Variants in LRP5 observed in about 807,000 individuals in gnomAD.
LRP5 encodes low-density lipoprotein receptor-related protein 5.
LRP5 carries 62 observed loss-of-function variants against 154.1 expected under a neutral mutation model. The ratio of observed to expected loss-of-function variants is 0.40; its 90% CI spans 0.33 to 0.50. LRP5 has a LOEUF of 0.50. Among genes scored for constraint, LRP5 ranks in the 20% least tolerant of loss-of-function variants. LRP5 has a pLI of 0.55. For synonymous variants in LRP5, 966 were observed against 1,011.5 expected (o/e 0.96, Z 0.85); for missense variants, 1,915 against 2,336.7 (o/e 0.82, Z 3.72).
At position 68,406,609 on chromosome 11, in the gene LRP5, C is replaced by T. The variant is rs140958524; in HGVS notation, c.1887C>T (p.Ile629=). The change falls in exon 9 of 23, where the codon ATC becomes ATT. Residue 629 remains isoleucine, a synonymous_variant. Transcript: ENST00000294304. ...TPHATRCGCP[I]GLELLSDMKT... is the part of the protein sequence containing the mutation. Reference sequence around the variant, plus strand: ...ACGCAACCCGGTGTGGCTGCCCCATCGGCCTGGAGCTGCTGAGTGACATGA... The same window carrying T: ...ACGCAACCCGGTGTGGCTGCCCCATTGGCCTGGAGCTGCTGAGTGACATGA... 76 of 1,614,036 alleles carry T rather than the reference C, an allele frequency of 4.7e-5. 1 individual carries two copies. The African/African-American group carries it at 7.1e-4, about 15-fold the overall frequency.
chr11:68,308,058 G>C (rs771712949), upstream of LRP5, among the ~76,000 whole-genome samples: 1 of 152,206 alleles, frequency 6.6e-6, no homozygotes, highest in Non-Finnish European at 1.5e-5. Flanking sequence ...GGCCGATGGC[G>C]GCCTTCCCTG....
intron 19 of LRP5, among the ~76,000 whole-genome samples, chr11:68,437,270 G>A (rs146185147): frequency 5.9e-5 from 9 of 152,260 alleles, no homozygotes; most frequent in East Asian, 1.9e-4. Flanking sequence ...ACCCACCCAC[G>A]GGACCTTGCT....
chr11:68,363,765 C>A lies in LRP5; in HGVS notation c.705C>A (p.Gly235=), dbSNP rs553569731. Residue 235 remains glycine (G), a synonymous_variant, in exon 4 of 23, where the codon GGC becomes GGA. Transcript: ENST00000294304. ...ACTGCAGGCAGAAGGTGGTGGAGGG[C>A]AGCCTGACGCACCCCTTCGCCCTGA... is the stretch of plus-strand genomic sequence containing the variant. ...DGSFRQKVVE[G]SLTHPFALTL... The A allele has an allele frequency of 4.3e-5, 70 of 1,612,618 alleles. 1 individual carries two copies. In the South Asian group the frequency reaches 7.5e-4, roughly 17 times the overall value.
intron 12 of LRP5, among the ~76,000 whole-genome samples, chr11:68,415,037 C>T (rs2098661745): frequency 6.6e-6 from 1 of 152,228 alleles, no homozygotes; most frequent in Non-Finnish European, 1.5e-5. Context: ...GGTGCAACGA[C>T]TTGGATTTCA....
intron 7 of LRP5, among the ~76,000 whole-genome samples, chr11:68,394,990 G>A (rs1302286625): frequency 6.6e-6 from 1 of 151,724 alleles, no homozygotes; most frequent in African/African-American, 2.4e-5. Flanking sequence ...AGGAAAGCAA[G>A]ATTGGAACAC....
intron 7 of LRP5, among the ~76,000 whole-genome samples, chr11:68,394,039 A>G (rs2098647837): frequency 6.6e-6 from 1 of 152,174 alleles, no homozygotes. Context: ...CTGACCCCAC[A>G]GCCGACCAAG....
At chr11:68,341,356 A>G (rs1340902708) in intron 1 of LRP5, among the ~76,000 whole-genome samples, 1 of 151,920 alleles carries the variant, frequency 6.6e-6, no homozygotes, top group Non-Finnish European at 1.5e-5. Flanking sequence ...TCCCCCACCC[A>G]CACCCAGAAC....
At chr11:68,442,353 C>G (rs2098678646) in intron 21 of LRP5, among the ~76,000 whole-genome samples, 1 of 152,212 alleles carries the variant, frequency 6.6e-6, no homozygotes, top group Non-Finnish European at 1.5e-5. Flanking sequence ...CAGCTCACTG[C>G]AGCCTCAAAC....
chr11:68,440,016 G>C, intron 21 of LRP5, 100 bp downstream of exon 21: 5 of 1,087,100 alleles, frequency 4.6e-6, no homozygotes, highest in Non-Finnish European at 6.4e-6. Context: ...CCTGGGGGCT[G>C]TGCCACCGCC....
chr11:68,333,505 C>T (rs1443957157), intron 1 of LRP5, among the ~76,000 whole-genome samples: 1 of 152,154 alleles, frequency 6.6e-6, no homozygotes, highest in Admixed American at 6.5e-5. Flanking sequence ...CTGATCAGTG[C>T]TTTTTCAAGC....
At chr11:68,305,298 T>C in the LRP5 span, among the ~76,000 whole-genome samples, 1 of 151,950 alleles carries the variant, frequency 6.6e-6, no homozygotes, top group Admixed American at 6.6e-5. Context: ...ATGCACCTGC[T>C]CTGGCTCTGC....
intron 1 of LRP5, among the ~76,000 whole-genome samples, chr11:68,316,941 C>T (rs2098593752): frequency 1.3e-5 from 2 of 152,240 alleles, no homozygotes; most frequent in Admixed American, 6.5e-5. Flanking sequence ...ACACTTAATG[C>T]GCTCTCCAAA....
chr11:68,419,149 T>C (rs1292115387), intron 13 of LRP5, among the ~76,000 whole-genome samples: 2 of 152,208 alleles, frequency 1.3e-5, no homozygotes, highest in Admixed American at 6.5e-5. Context: ...ATCATCCAAT[T>C]GGCCGAGGTT....
At chr11:68,426,324 G>A in intron 16 of LRP5, 137 bp downstream of exon 16, 1 of 706,192 alleles carries the variant, frequency 1.4e-6, no homozygotes, top group Non-Finnish European at 2.3e-6. Flanking sequence ...TTGCCCGCTG[G>A]GGTTCAGCGA....
intron 14 of LRP5, among the ~76,000 whole-genome samples, chr11:68,424,737 G>A (rs2098667726): frequency 6.6e-6 from 1 of 152,188 alleles, no homozygotes; most frequent in Admixed American, 6.5e-5. Flanking sequence ...GGTGGCTCCA[G>A]GCACCCCTTG....
At chr11:68,435,175 C>G (rs2098674188) in intron 18 of LRP5, among the ~76,000 whole-genome samples, 1 of 152,262 alleles carries the variant, frequency 6.6e-6, no homozygotes. Context: ...ACGTCTGGCC[C>G]TTGACAGACA....
rs368217689 is a variant in LRP5 at position 68,423,687 on chromosome 11, G to A, written c.3226G>A (p.Ala1076Thr). Residue 1076 changes from alanine (A) to threonine (T), a missense_variant, in exon 14 of 23, where the codon GCG becomes ACG. By Grantham distance (58) the Ala-to-Thr change is moderately conservative (BLOSUM62 0). Coordinates refer to ENST00000294304, the MANE Select transcript of LRP5 (RefSeq NM_002335.4). The surrounding 1 kb of genome is among the most constrained non-coding windows in gnomAD (Gnocchi z 4.7). ...CAAGCCCAGGGCCATCGTCGTCAACGCGGAGCGAGGGTAGGAGGCCAACGG... is the reference window on the plus strand; with the variant it reads ...CAAGCCCAGGGCCATCGTCGTCAACACGGAGCGAGGGTAGGAGGCCAACGG... The part of the protein sequence containing the change: ...RDKPRAIVVN[A>T]ERGYLYFTNM... 1.6e-5 allele frequency: 26 copies of A among 1,610,852 alleles called. No individual in the cohort carries two copies. Among genetic ancestry groups the A allele is most frequent in the Middle Eastern group, 1.7e-4 (1 of 6,030 alleles).
chr11:68,407,788 G>T (rs546087542), intron 9 of LRP5, among the ~76,000 whole-genome samples: 1 of 152,138 alleles, frequency 6.6e-6, no homozygotes, highest in South Asian at 2.1e-4. Flanking sequence ...CGGAGGTTGT[G>T]GTGAGCTGAG....
At position 68,446,468 on chromosome 11, in the gene LRP5, C is replaced by T. The variant is rs1488930655; in HGVS notation, c.4521C>T (p.Asp1507=). The change falls in exon 22 of 23, where the codon GAC becomes GAT. Residue 1507 remains aspartate, a synonymous_variant. Transcript: ENST00000294304. ...ILNPPPSPAT[D]PSLYNMDMFY... ...ACCCGCCGCCCTCCCCGGCCACGGACCCCTCCCTGTACAACATGGACATGT... is the reference window on the plus strand; with the variant it reads ...ACCCGCCGCCCTCCCCGGCCACGGATCCCTCCCTGTACAACATGGACATGT... 1 of 1,614,124 alleles carries T rather than the reference C, an allele frequency of 6.2e-7. No homozygotes were observed. Among genetic ancestry groups the T allele is most frequent in the Middle Eastern group, 1.6e-4 (1 of 6,062 alleles).
Sources: allele counts gnomAD v4.1 joint callset (sites outside exome capture counted in the v4.1 genomes callset), GRCh38; gene constraint gnomAD v4.1.1; non-coding constraint Gnocchi (gnomAD v3.1); transcripts MANE v1.5; gene names NCBI Gene and HGNC (gene_info 2026-07-23, HGNC 2026-07-21).